ATCAY: variants seen among roughly 807,000 people sequenced by gnomAD.
ATCAY encodes the protein caytaxin.
Under a neutral mutation model 47.7 loss-of-function variants are expected in ATCAY, and 22 were observed. That is an observed-to-expected ratio of 0.46 (90% CI 0.33 to 0.66). ATCAY has a LOEUF of 0.66. Among genes scored for constraint, ATCAY ranks in the 30% least tolerant of loss-of-function variants. The pLI is 0.02. For synonymous variants in ATCAY, 216 were observed against 207.6 expected, an observed-to-expected ratio of 1.04 and a Z score of -0.35; for missense variants, 452 against 515.0, an observed-to-expected ratio of 0.88 and a Z score of 1.18.
rs1199430384 is a variant in ATCAY, at chr19:3,885,864, G to A, written c.77+20G>A. ...TCCCAGGTAGGACTTCCACATCCCT[G>A]AGTCAACCGTTGGGGGAGCAGGTGT... On this transcript the variant is annotated intron_variant, in intron 2 of 12. Coordinates refer to ENST00000450849, the MANE Select transcript of ATCAY (RefSeq NM_033064.5). 1 of 1,550,520 alleles carries A rather than the reference G, an allele frequency of 6.4e-7. No individual in the cohort carries two copies. Among genetic ancestry groups the A allele is most frequent in the East Asian group, 2.4e-5 (1 of 40,890 alleles).
At chr19:3,924,410 C>T (rs533197350) in intron 12 of ATCAY, among the ~76,000 whole-genome samples, 173 bp from the exon 13 acceptor site, 1 of 152,306 alleles carries the variant, frequency 6.6e-6, no homozygotes, top group African/African-American at 2.4e-5. Flanking sequence ...CTCAGAGCCA[C>T]ACTTAGAAAG....
intron 6 of ATCAY, 55 bp downstream of exon 6, chr19:3,908,425 C>A: frequency 7.0e-7 from 1 of 1,422,326 alleles, no homozygotes; most frequent in Non-Finnish European, 9.7e-7. Flanking sequence ...CCTCCCTGGC[C>A]ACAGGGGCAC....
rs769688062 is a variant in ATCAY, at chr19:3,910,795, C to T, written c.780-8C>T. On this transcript the variant is annotated splice_region_variant and splice_polypyrimidine_tract_variant and intron_variant, in intron 7 of 12. Transcript: ENST00000450849. ...AGCCCATCTTGCTTCCTTTGCGGCCCCACACAGGTTGCGGAAAAACCTGAA... is the reference window on the plus strand; with the variant it reads ...AGCCCATCTTGCTTCCTTTGCGGCCTCACACAGGTTGCGGAAAAACCTGAA... The T allele has an allele frequency of 3.7e-6, 6 of 1,613,900 alleles. No homozygotes were observed. Among genetic ancestry groups the T allele is most frequent in the Admixed American group, 1.7e-5 (1 of 59,992 alleles).
At position 3,885,780 on chromosome 19, in the gene ATCAY, G is replaced by A. The variant is rs868017605; in HGVS notation, c.13G>A (p.Glu5Lys). The part of the protein sequence containing the change: MGTT[E>K]ATLRMENVDV... The stretch of plus-strand genomic sequence containing the variant: ...CTTCCCAGCTCCCATGGGGACCACC[G>A]AAGCCACGCTCCGGATGGAAAACGT... Residue 5 changes from glutamate (E) to lysine (K), a missense_variant, in exon 2 of 13, where the codon GAA becomes AAA. Glu to Lys is a moderately conservative substitution (Grantham distance 56, BLOSUM62 1). Coordinates refer to ENST00000450849, the MANE Select transcript of ATCAY (RefSeq NM_033064.5). The A allele has an allele frequency of 5.8e-6, 9 of 1,551,406 alleles. No homozygotes were observed. Among genetic ancestry groups the A allele is most frequent in the African/African-American group, 4.1e-5 (3 of 73,002 alleles).
chr19:3,918,030 G>C, intron 10 of ATCAY, among the ~76,000 whole-genome samples: 1 of 152,096 alleles, frequency 6.6e-6, no homozygotes, highest in African/African-American at 2.4e-5. Context: ...TGCAAGATGA[G>C]GCACCCTTGG....
chr19:3,884,747 C>T (rs796506254), intron 1 of ATCAY, among the ~76,000 whole-genome samples: 9 of 152,010 alleles, frequency 5.9e-5, no homozygotes, highest in African/African-American at 2.2e-4. Flanking sequence ...GCTCTCTGTG[C>T]CTCTGTTTTC....
At chr19:3,918,206 G>A (rs893941526) in intron 10 of ATCAY, among the ~76,000 whole-genome samples, 3 of 151,944 alleles carry the variant, frequency 2.0e-5, no homozygotes, top group East Asian at 1.9e-4. Flanking sequence ...ACAACATGGC[G>A]TAACTCCGTC....
intron 2 of ATCAY, among the ~76,000 whole-genome samples, chr19:3,898,122 AC>A (rs1424667805): frequency 6.6e-6 from 1 of 151,084 alleles, no homozygotes; most frequent in African/African-American, 2.4e-5. Context: ...CTCTCCCCCA[AC>A]CCCAGTGACC....
chr19:3,921,475 G>A (rs977612657), intron 12 of ATCAY, among the ~76,000 whole-genome samples: 3 of 152,164 alleles, frequency 2.0e-5, no homozygotes, highest in African/African-American at 7.2e-5. Flanking sequence ...CTCCCTGTGT[G>A]TTGATGTCCA....
At chr19:3,917,609 A>C (rs1457029192) in intron 9 of ATCAY, 133 bp from the exon 10 acceptor site, 1 of 741,902 alleles carries the variant, frequency 1.3e-6, no homozygotes, top group African/African-American at 1.9e-5. Context: ...AAAAAAAAAA[A>C]AGGAAGAAGA....
chr19:3,923,892 G>T (rs1338640135), intron 12 of ATCAY, among the ~76,000 whole-genome samples: 1 of 147,582 alleles, frequency 6.8e-6, no homozygotes, highest in Non-Finnish European at 1.5e-5. Context: ...GCATGGATGG[G>T]TGGATGGCTA....
chr19:3,886,568 C>T (rs2038658207), intron 2 of ATCAY, among the ~76,000 whole-genome samples: 2 of 144,776 alleles, frequency 1.4e-5, no homozygotes, highest in South Asian at 2.2e-4. Flanking sequence ...CCAGCCTGGG[C>T]GACAGGTGAG....
chr19:3,895,820 A>T (rs2038765380), intron 2 of ATCAY, among the ~76,000 whole-genome samples: 1 of 148,116 alleles, frequency 6.8e-6, no homozygotes, highest in Non-Finnish European at 1.5e-5. Flanking sequence ...GACTCAAACG[A>T]TCCTCCTGCC....
At chr19:3,918,717 A>G in intron 10 of ATCAY, 89 bp from the exon 11 acceptor site, 2 of 1,421,196 alleles carry the variant, frequency 1.4e-6, no homozygotes, top group Non-Finnish European at 2.0e-6. Context: ...AGGGGACAGG[A>G]AAACCAGAGA....
At chr19:3,916,633 A>G (rs1398671447) in intron 9 of ATCAY, among the ~76,000 whole-genome samples, 5 of 152,048 alleles carry the variant, frequency 3.3e-5, no homozygotes, top group Non-Finnish European at 7.4e-5. Flanking sequence ...AGCTGGGACT[A>G]CAGGCGCCCA....
intron 9 of ATCAY, among the ~76,000 whole-genome samples, chr19:3,916,372 C>T (rs2038966270): frequency 6.6e-6 from 1 of 152,200 alleles, no homozygotes; most frequent in African/African-American, 2.4e-5. Flanking sequence ...TCACCTATGA[C>T]CGTAGATGTA....
At chr19:3,909,644 C>T (rs375368230) in intron 7 of ATCAY, 27 bp downstream of exon 7, 1 of 1,556,638 alleles carries the variant, frequency 6.4e-7, no homozygotes, top group Non-Finnish European at 8.7e-7. Flanking sequence ...TCAGGAAGCA[C>T]AGTGGGGGCA....
intron 6 of ATCAY, 112 bp downstream of exon 6, chr19:3,908,482 C>T (rs1188976682): frequency 1.0e-6 from 1 of 1,000,756 alleles, no homozygotes. Context: ...TGCCTGGCAC[C>T]AGGGAAGGGC....
At position 3,909,468 on chromosome 19, in the gene ATCAY, T is replaced by C; in HGVS notation, c.648-18T>C. The C allele has an allele frequency of 5.0e-6, 8 of 1,610,818 alleles. No individual in the cohort carries two copies. Among genetic ancestry groups the C allele is most frequent in the Non-Finnish European group, 6.8e-6 (8 of 1,177,564 alleles). On this transcript the variant is annotated intron_variant, in intron 6 of 12. Transcript: ENST00000450849. ...ACCCCTCCATGTTGGGTCCCTGCCT[T>C]CTGTGCCCCGTGAGCAGGTACGTCA... is the stretch of plus-strand genomic sequence containing the variant.
Sources: allele counts gnomAD v4.1 joint callset (sites outside exome capture counted in the v4.1 genomes callset), GRCh38; gene constraint gnomAD v4.1.1; transcripts MANE v1.5; gene names NCBI Gene and HGNC (gene_info 2026-07-23, HGNC 2026-07-21).